The following NOSTRIN variants were observed in gnomAD, a reference collection of about 807,000 sequenced individuals.
NOSTRIN encodes the protein nitric oxide synthase trafficking.
Under a neutral mutation model 59.0 loss-of-function variants are expected in NOSTRIN, and 63 were observed. The observed-to-expected ratio is 1.07, with a 90% CI of 0.87 to 1.32. NOSTRIN has a LOEUF of 1.32. NOSTRIN is among the 40% of genes most tolerant of loss of function. NOSTRIN has a pLI of 0.00. For missense variants in NOSTRIN, 512 were observed against 473.1 expected, an observed-to-expected ratio of 1.08 and a Z score of -0.76; for synonymous variants, 200 against 165.4, an observed-to-expected ratio of 1.21 and a Z score of -1.61.
chr2:168,849,670 C>CA (rs10650489), intron 8 of NOSTRIN, among the ~76,000 whole-genome samples: 47,128 of 118,474 alleles, frequency 0.4, 10,523 homozygotes, highest in South Asian at 0.61. Context: ...CTTGTTTTTA[C>CA]AAAAAAAAAA....
intron 2 of NOSTRIN, among the ~76,000 whole-genome samples, chr2:168,819,085 C>T (rs1175277425): frequency 6.6e-6 from 1 of 152,090 alleles, no homozygotes; most frequent in East Asian, 1.9e-4. Flanking sequence ...AGCACAATGT[C>T]TTTACAAGCT....
At chr2:168,834,699 T>C (rs1367981147) in intron 7 of NOSTRIN, among the ~76,000 whole-genome samples, 1 of 152,054 alleles carries the variant, frequency 6.6e-6, no homozygotes, top group African/African-American at 2.4e-5. Context: ...CTGGACCACA[T>C]GTATTTTTAA....
intron 5 of NOSTRIN, among the ~76,000 whole-genome samples, chr2:168,830,622 T>C (rs1417421079): frequency 6.6e-6 from 1 of 152,236 alleles, no homozygotes; most frequent in African/African-American, 2.4e-5. Flanking sequence ...CAGATCTCCC[T>C]GGGAAGTTGT....
At chr2:168,849,064 G>C (rs139986455) in intron 8 of NOSTRIN, among the ~76,000 whole-genome samples, 4 of 152,240 alleles carry the variant, frequency 2.6e-5, no homozygotes, top group African/African-American at 7.2e-5. Context: ...CAGGCCAATG[G>C]GCTCCTGTAG....
rs770409424 is a variant in NOSTRIN at position 168,855,388 on chromosome 2, C to T, written c.892C>T (p.Arg298Ter). ...TAACAGTGCAATGGATAAAGAGAGA[C>T]GAAAGTCTTTACTAAAACCAAAATT... ...DPNSAMDKER[R>*]KSLLKPKLLR... Residue 298 changes from arginine to a stop codon, truncating the protein, a stop_gained, in exon 11 of 16, where the codon CGA becomes TGA. Transcript: ENST00000317647. LOFTEE classifies it high-confidence loss of function. 33 of 1,607,832 alleles carry T rather than the reference C, an allele frequency of 2.1e-5. No homozygotes were observed. Among genetic ancestry groups the T allele is most frequent in the East Asian group, 1.8e-4 (8 of 44,644 alleles).
intron 1 of NOSTRIN, among the ~76,000 whole-genome samples, chr2:168,805,840 G>A (rs1216672346): frequency 6.6e-6 from 1 of 152,180 alleles, no homozygotes; most frequent in African/African-American, 2.4e-5. Flanking sequence ...TAGCTCCTAG[G>A]AGAATCTGAC....
intron 7 of NOSTRIN, among the ~76,000 whole-genome samples, chr2:168,839,913 A>C (rs1687968139): frequency 1.6e-5 from 1 of 61,102 alleles, no homozygotes; most frequent in African/African-American, 6.7e-5. Flanking sequence ...ATATATATAT[A>C]TATATATATG....
At chr2:168,834,755 T>G (rs756749916) in intron 7 of NOSTRIN, among the ~76,000 whole-genome samples, 36 of 152,056 alleles carry the variant, frequency 2.4e-4, no homozygotes, top group Non-Finnish European at 4.7e-4. Flanking sequence ...ATGCCCACAT[T>G]TTTTTAAAGG....
intron 15 of NOSTRIN, chr2:168,863,305 TAAGAATAGTGATTTATGACTAAGAAAA>T (rs1455731357): frequency 2.3e-5 from 15 of 664,018 alleles, no homozygotes; most frequent in Non-Finnish European, 2.8e-5. Context: ...TAATGTCCTT[TAAGAATAGTGATTTATGACTAAGAAAA>T]TGTAGAAAAG....
At chr2:168,832,098 AG>A (rs1375297686) in intron 6 of NOSTRIN, among the ~76,000 whole-genome samples, 1 of 152,188 alleles carries the variant, frequency 6.6e-6, no homozygotes, top group Non-Finnish European at 1.5e-5. Context: ...GATATGTAAA[AG>A]GGGATGCGTA....
intron 2 of NOSTRIN, among the ~76,000 whole-genome samples, chr2:168,815,429 C>G (rs1433208345): frequency 6.6e-6 from 1 of 152,138 alleles, no homozygotes; most frequent in Non-Finnish European, 1.5e-5. Context: ...GTTTGGCTTC[C>G]TGCATCCTCA....
intron 2 of NOSTRIN, among the ~76,000 whole-genome samples, chr2:168,815,972 TC>T (rs1441269369): frequency 6.6e-6 from 1 of 152,214 alleles, no homozygotes; most frequent in African/African-American, 2.4e-5. Context: ...ACCATATTTC[TC>T]TCTTTGAAAC....
intron 8 of NOSTRIN, among the ~76,000 whole-genome samples, chr2:168,848,554 A>G (rs1271554254): frequency 1.5e-5 from 2 of 135,344 alleles, no homozygotes; most frequent in Non-Finnish European, 3.3e-5. Flanking sequence ...TCAAATGACT[A>G]TATACCAAAA....
intron 6 of NOSTRIN, among the ~76,000 whole-genome samples, chr2:168,833,063 G>A (rs1476592941): frequency 6.6e-6 from 1 of 152,128 alleles, no homozygotes; most frequent in African/African-American, 2.4e-5. Flanking sequence ...TCATTTCCCA[G>A]TTTCTATCAA....
chr2:168,794,266 G>A (rs1223635666), upstream of NOSTRIN, among the ~76,000 whole-genome samples: 5 of 152,128 alleles, frequency 3.3e-5, no homozygotes, highest in African/African-American at 1.2e-4. Flanking sequence ...GAAAGAACTC[G>A]TGTTTTTCAG....
At chr2:168,824,802 G>C (rs1686966799) in intron 3 of NOSTRIN, 85 bp downstream of exon 3, 3 of 396,330 alleles carry the variant, frequency 7.6e-6, no homozygotes, top group African/African-American at 2.5e-5. Flanking sequence ...TTTGAGACAG[G>C]GTCTTGCTCT....
chr2:168,860,704 A>G, intron 13 of NOSTRIN, 91 bp from the exon 14 acceptor site: 2 of 821,656 alleles, frequency 2.4e-6, no homozygotes, highest in South Asian at 1.8e-5. Flanking sequence ...AGAAAAAACA[A>G]CTTGAGGAAA....
At chr2:168,818,279 A>G in intron 2 of NOSTRIN, 1 of 416,366 alleles carries the variant, frequency 2.4e-6, no homozygotes, top group Non-Finnish European at 4.9e-6. Flanking sequence ...TCAGCCTCTC[A>G]AGTAGCTAGG....
intron 2 of NOSTRIN, 176 bp downstream of exon 2, chr2:168,811,828 A>T (rs1686153277): frequency 2.2e-6 from 1 of 454,066 alleles, no homozygotes. Flanking sequence ...ACTGGATGCC[A>T]TAAAAATCAA....
Sources: gnomAD v4.1 joint callset for allele counts (sites outside exome capture counted in the v4.1 genomes callset) on GRCh38, gnomAD v4.1.1 for gene constraint, MANE v1.5 for transcripts, NCBI Gene and HGNC (gene_info 2026-07-23, HGNC 2026-07-21) for gene names.